Variants in CSMD1 observed in about 807,000 individuals in gnomAD.
CSMD1 encodes the protein CUB and sushi domain-containing protein 1.
A neutral mutation model predicts 417.5 loss-of-function variants in CSMD1; 213 were observed. The ratio of observed to expected loss-of-function variants is 0.51; its 90% CI spans 0.46 to 0.57. The LOEUF (loss-of-function observed/expected upper bound fraction) is 0.57, where lower values mean the gene tolerates loss of function less well. Among genes scored for constraint, CSMD1 ranks in the 20% least tolerant of loss-of-function variants. The pLI is 0.00. For synonymous variants in CSMD1, 2,862 were observed against 1,736.8 expected, an observed-to-expected ratio of 1.65 and a Z score of -16.11; for missense variants, 6,923 against 4,529.7, an observed-to-expected ratio of 1.53 and a Z score of -15.17.
chr8:3,573,218 C>G (rs1038251985), intron 10 of CSMD1, among the ~76,000 whole-genome samples: 3 of 152,140 alleles, frequency 2.0e-5, no homozygotes, highest in Non-Finnish European at 2.9e-5. Context: ...CAACTATTCT[C>G]TAAGGTAAAT....
intron 1 of CSMD1, among the ~76,000 whole-genome samples, chr8:4,689,902 G>C (rs1806655802): frequency 2.0e-5 from 3 of 152,156 alleles, no homozygotes; most frequent in Non-Finnish European, 4.4e-5. Flanking sequence ...AAGAAGGAAA[G>C]CCTGTTTTAA....
At chr8:3,666,524 C>G (rs1414149676) in intron 7 of CSMD1, among the ~76,000 whole-genome samples, 5 of 152,168 alleles carry the variant, frequency 3.3e-5, no homozygotes, top group African/African-American at 7.2e-5. Flanking sequence ...TTTCAACAAG[C>G]CTTTTTTGAA....
intron 12 of CSMD1, among the ~76,000 whole-genome samples, chr8:3,411,363 TTTTC>T (rs141073739): frequency 0.11 from 16,520 of 150,580 alleles, 1,001 homozygotes; most frequent in African/African-American, 0.16. Flanking sequence ...CTTCCTTTCC[TTTTC>T]TTTATTTCCA....
At chr8:4,044,026 TA>T (rs201522590) in intron 3 of CSMD1, among the ~76,000 whole-genome samples, 8 of 138,078 alleles carry the variant, frequency 5.8e-5, no homozygotes, top group African/African-American at 8.2e-5. Context: ...AAAGCTTAAT[TA>T]AAAAAAAACG....
chr8:3,644,705 A>G (rs1797486107), intron 7 of CSMD1, among the ~76,000 whole-genome samples: 1 of 152,132 alleles, frequency 6.6e-6, no homozygotes, highest in Non-Finnish European at 1.5e-5. Context: ...AATGAGTTAC[A>G]GGGTTTATTT....
At chr8:3,292,791 C>G (rs370757726) in intron 25 of CSMD1, among the ~76,000 whole-genome samples, 1 of 152,078 alleles carries the variant, frequency 6.6e-6, no homozygotes, top group Non-Finnish European at 1.5e-5. Context: ...ATTTGCCAGT[C>G]TCTGTCTTTT....
intron 1 of CSMD1, among the ~76,000 whole-genome samples, chr8:4,741,110 T>C (rs1810574713): frequency 6.6e-6 from 1 of 152,216 alleles, no homozygotes; most frequent in Admixed American, 6.5e-5. Flanking sequence ...AGATCCATCC[T>C]AGTATCTCCT....
Position 4,121,548 on chromosome 8 carries a change from T to G in CSMD1, c.416-89449A>C, listed in dbSNP as rs566816496. ...AGATTTGTTAATAGAAGTGAAGCAA[T>G]TGTCTAAAATGTAATCAATCTTTTA... On this transcript the variant is annotated intron_variant, in intron 3 of 69. Coordinates refer to ENST00000635120, the MANE Select transcript of CSMD1 (RefSeq NM_033225.6). Among the ~76,000 whole-genome samples the G allele has an allele frequency of 5.9e-5, 9 of 151,750 alleles. No homozygotes were observed. The South Asian group carries it at 1.9e-3, about 32-fold the overall frequency.
chr8:3,517,079 G>A (rs1797311602), intron 10 of CSMD1, among the ~76,000 whole-genome samples: 2 of 152,206 alleles, frequency 1.3e-5, no homozygotes, highest in Admixed American at 6.5e-5. Flanking sequence ...CTCCAGGGAA[G>A]GGGCATCTGG....
chr8:4,058,325 GCT>G (rs1798802916), intron 3 of CSMD1, among the ~76,000 whole-genome samples: 1 of 151,892 alleles, frequency 6.6e-6, no homozygotes, highest in Non-Finnish European at 1.5e-5. Flanking sequence ...TCACGATTTG[GCT>G]CTCTGTTTGC....
At chr8:3,482,475 A>T (rs752497676) in intron 11 of CSMD1, among the ~76,000 whole-genome samples, 3 of 152,194 alleles carry the variant, frequency 2.0e-5, no homozygotes, top group Non-Finnish European at 4.4e-5. Flanking sequence ...AATATGTAAC[A>T]CTCCTAAATG....
intron 3 of CSMD1, among the ~76,000 whole-genome samples, chr8:4,093,635 G>A (rs1291583139): frequency 6.6e-6 from 1 of 152,098 alleles, no homozygotes; most frequent in Non-Finnish European, 1.5e-5. Flanking sequence ...AGCCAACTAT[G>A]ATTGAGAGGA....
chr8:3,150,113 G>C (rs1398510799), intron 40 of CSMD1, among the ~76,000 whole-genome samples: 1 of 152,186 alleles, frequency 6.6e-6, no homozygotes, highest in Non-Finnish European at 1.5e-5. Flanking sequence ...GTGATTCCCA[G>C]GTCTCCGTTT....
chr8:4,296,193 C>G (rs1487747747), intron 3 of CSMD1, among the ~76,000 whole-genome samples: 9 of 151,972 alleles, frequency 5.9e-5, no homozygotes, highest in African/African-American at 1.9e-4. Context: ...CACCTTAGTC[C>G]TCAACTCATC....
At chr8:3,394,254 T>A (rs1034420739) in intron 17 of CSMD1, among the ~76,000 whole-genome samples, 1 of 147,008 alleles carries the variant, frequency 6.8e-6, no homozygotes, top group Admixed American at 6.8e-5. Context: ...TATTATAGTA[T>A]AATATAATGT....
At chr8:3,567,993 C>T (rs544734937) in intron 10 of CSMD1, among the ~76,000 whole-genome samples, 33 of 152,266 alleles carry the variant, frequency 2.2e-4, no homozygotes, top group African/African-American at 7.7e-4. Context: ...TGTGGGAATT[C>T]ATCTGATGCC....
At chr8:3,739,382 A>G (rs1017623609) in intron 6 of CSMD1, among the ~76,000 whole-genome samples, 5 of 152,240 alleles carry the variant, frequency 3.3e-5, no homozygotes, top group African/African-American at 1.2e-4. Flanking sequence ...ACACGTTTAC[A>G]AATAGTTAGA....
At chr8:4,926,846 T>C (rs1806903556) in intron 1 of CSMD1, among the ~76,000 whole-genome samples, 1 of 152,166 alleles carries the variant, frequency 6.6e-6, no homozygotes, top group Non-Finnish European at 1.5e-5. Flanking sequence ...CCTAAATAGT[T>C]TGCTATCAAT....
At chr8:4,106,014 T>G (rs1801549789) in intron 3 of CSMD1, among the ~76,000 whole-genome samples, 1 of 152,178 alleles carries the variant, frequency 6.6e-6, no homozygotes, top group African/African-American at 2.4e-5. Flanking sequence ...TCTTCGGGTG[T>G]GCCACCATCT....
Sources: gnomAD v4.1 joint callset for allele counts (sites outside exome capture counted in the v4.1 genomes callset) on GRCh38, gnomAD v4.1.1 for gene constraint, MANE v1.5 for transcripts, NCBI Gene and HGNC (gene_info 2026-07-23, HGNC 2026-07-21) for gene names.